Variants in ARHGAP21 observed in about 807,000 individuals in gnomAD.
The protein encoded by ARHGAP21 is Rho GTPase activating protein 21.
A neutral mutation model predicts 164.6 loss-of-function variants in ARHGAP21; 38 were observed. That is an observed-to-expected ratio of 0.23 (90% CI 0.18 to 0.30). The LOEUF (loss-of-function observed/expected upper bound fraction) is 0.30. ARHGAP21 is among the 10% of genes least tolerant of loss of function. The pLI is 1.00. For missense variants in ARHGAP21, 1,822 were observed against 2,370.7 expected, an observed-to-expected ratio of 0.77 and a Z score of 4.81; for synonymous variants, 766 against 857.9, an observed-to-expected ratio of 0.89 and a Z score of 1.87.
chr10:24,592,343 T>G (rs1293230575), intron 21 of ARHGAP21, among the ~76,000 whole-genome samples: 2 of 152,022 alleles, frequency 1.3e-5, no homozygotes, highest in Non-Finnish European at 2.9e-5. Flanking sequence ...GTGGCCTAGT[T>G]AGGATTTTCA....
intron 4 of ARHGAP21, among the ~76,000 whole-genome samples, chr10:24,661,359 G>A (rs978129069): frequency 2.0e-5 from 3 of 151,758 alleles, no homozygotes; most frequent in African/African-American, 7.3e-5. Context: ...ATACATAAAG[G>A]ATATGAGAAA....
chr10:24,643,315 T>C (rs1429653747), intron 4 of ARHGAP21, among the ~76,000 whole-genome samples: 3 of 152,240 alleles, frequency 2.0e-5, no homozygotes, highest in Non-Finnish European at 2.9e-5. Flanking sequence ...TCTAGATTCA[T>C]AGCCCTATTA....
intron 4 of ARHGAP21, among the ~76,000 whole-genome samples, chr10:24,663,830 A>C (rs868071900): frequency 6.6e-6 from 1 of 152,170 alleles, no homozygotes; most frequent in Non-Finnish European, 1.5e-5. Context: ...TGCCCAACCC[A>C]GATAATTCTT....
intron 21 of ARHGAP21, among the ~76,000 whole-genome samples, chr10:24,593,513 C>T (rs2076431194): frequency 2.6e-5 from 4 of 151,994 alleles, no homozygotes; most frequent in Non-Finnish European, 5.9e-5. Flanking sequence ...TCTGGGTAAA[C>T]AGTTTCAGCT....
chr10:24,699,055 C>T (rs1483311429), intron 2 of ARHGAP21, among the ~76,000 whole-genome samples: 1 of 152,102 alleles, frequency 6.6e-6, no homozygotes, highest in Non-Finnish European at 1.5e-5. Context: ...ACCTGATCTG[C>T]CCTTCGAAAG....
chr10:24,679,853 T>C (rs1344662702), intron 2 of ARHGAP21, among the ~76,000 whole-genome samples: 3 of 152,200 alleles, frequency 2.0e-5, no homozygotes, highest in African/African-American at 7.2e-5. Context: ...TACATATGTA[T>C]ACATGTGCCA....
chr10:24,674,216 C>T (rs993539076), intron 2 of ARHGAP21, among the ~76,000 whole-genome samples: 1 of 151,752 alleles, frequency 6.6e-6, no homozygotes, highest in Non-Finnish European at 1.5e-5. Context: ...CACAGGGAGA[C>T]CCTGTCTCTA....
chr10:24,649,815 C>T (rs541013786), intron 4 of ARHGAP21, among the ~76,000 whole-genome samples: 20 of 151,686 alleles, frequency 1.3e-4, no homozygotes, highest in African/African-American at 4.6e-4. Context: ...AAAGGAATCA[C>T]CAGGCACAGA....
At chr10:24,671,950 G>A (rs1482095780) in intron 2 of ARHGAP21, among the ~76,000 whole-genome samples, 2 of 119,426 alleles carry the variant, frequency 1.7e-5, no homozygotes, top group Non-Finnish European at 3.2e-5. Flanking sequence ...GGCTGGTCTT[G>A]AGCTCCTATG....
At chr10:24,674,945 T>C (rs185463183) in intron 2 of ARHGAP21, among the ~76,000 whole-genome samples, 2 of 152,318 alleles carry the variant, frequency 1.3e-5, no homozygotes, top group African/African-American at 2.4e-5. Context: ...ATACTGAGTG[T>C]TGGTCAGGAC....
chr10:24,678,828 T>C (rs1292106095), intron 2 of ARHGAP21, among the ~76,000 whole-genome samples: 2 of 152,198 alleles, frequency 1.3e-5, no homozygotes, highest in Non-Finnish European at 2.9e-5. Context: ...TATTTTGTCA[T>C]TTCAAGAATG....
chr10:24,668,913 A>G (rs1840443588), intron 3 of ARHGAP21, among the ~76,000 whole-genome samples: 1 of 152,188 alleles, frequency 6.6e-6, no homozygotes, highest in East Asian at 1.9e-4. Context: ...TATTCAAAAC[A>G]AAACAAAAAC....
At position 24,585,949 on chromosome 10, in the gene ARHGAP21, A is replaced by G. The variant is rs370970328; in HGVS notation, c.4340T>C (p.Val1447Ala). Reference protein sequence around the residue: ...LDNVFFKKENVEQCHNDTKEE... With the variant: ...LDNVFFKKENAEQCHNDTKEE... ...TTTAGTATCATTGTGACACTGTTCCACATTTTCTTTCTTAAAAAATACATT... is the reference window on the plus strand; with the variant it reads ...TTTAGTATCATTGTGACACTGTTCCGCATTTTCTTTCTTAAAAAATACATT... Residue 1447 changes from valine to alanine, a missense_variant, in exon 26 of 26, where the codon GTG becomes GCG. This residue lies in a region of ARHGAP21 where 333 missense variants were observed against 383.9 expected (regional missense o/e 0.87). Coordinates refer to ENST00000396432, the MANE Select transcript of ARHGAP21 (RefSeq NM_020824.4). 6.8e-6 allele frequency: 11 copies of G among 1,614,066 alleles called. No homozygotes were observed. The highest frequency in any genetic ancestry group is 9.3e-6 in the Non-Finnish European group (11 of 1,180,030).
chr10:24,623,157 T>C (rs907069132), intron 7 of ARHGAP21, among the ~76,000 whole-genome samples: 1 of 152,234 alleles, frequency 6.6e-6, no homozygotes, highest in Non-Finnish European at 1.5e-5. Flanking sequence ...ACGAAACGAA[T>C]GCTCTATTAT....
At position 24,619,673 on chromosome 10, in the gene ARHGAP21, G is replaced by C; in HGVS notation, c.2222C>G (p.Pro741Arg). 6.2e-7 allele frequency: 1 copy of C among 1,614,150 alleles called. No homozygotes were observed. The highest frequency in any genetic ancestry group is 8.5e-7 in the Non-Finnish European group (1 of 1,180,038). Residue 741 changes from proline to arginine, a missense_variant, in exon 9 of 26, where the codon CCT becomes CGT. Physicochemically the swap from Pro to Arg is moderately radical, Grantham distance 103 (BLOSUM62 -2). Around this residue, in one of 5 missense-constraint regions of ARHGAP21, gnomAD observed 1,090 missense variants for 1,378.9 expected, o/e 0.79. Coordinates refer to ENST00000396432, the MANE Select transcript of ARHGAP21 (RefSeq NM_020824.4). ...CTGCGGTGTCTGGCGTCCAGATGGA[G>C]GTTTTTCCCTTAGGATGACAGCTTC... ...NKEAVILREK[P>R]PSGRQTPQPL...
At chr10:24,686,277 A>G (rs1011918909) in intron 2 of ARHGAP21, among the ~76,000 whole-genome samples, 1 of 152,010 alleles carries the variant, frequency 6.6e-6, no homozygotes, top group Admixed American at 6.6e-5. Context: ...AAAAATTTAA[A>G]AATCAGCCAG....
In ARHGAP21 at chr10:24,620,696, C is replaced by T. The variant is rs1436858905; in HGVS notation, c.1199G>A (p.Arg400Gln). The change falls in exon 9 of 26, where the codon CGA (arginine) becomes CAA (glutamine). Residue 400 changes from arginine to glutamine, a missense_variant. Arg to Gln is a conservative substitution (Grantham distance 43). Around this residue, in one of 5 missense-constraint regions of ARHGAP21, gnomAD observed 1,090 missense variants for 1,378.9 expected, o/e 0.79. Transcript: ENST00000396432. The part of the protein sequence containing the change: ...KTYKEYIDNR[R>Q]LHIGCRTIQE... ...TATTGTCCGACAACCTATGTGCAAT[C>T]GTCTGTTATCAATATACTCTTTGTA... is the stretch of plus-strand genomic sequence containing the variant. The T allele has an allele frequency of 1.9e-6, 3 of 1,614,074 alleles. No homozygotes were observed. The highest frequency in any genetic ancestry group is 1.7e-6 in the Non-Finnish European group (2 of 1,179,956).
At chr10:24,641,264 G>C (rs7095371) in intron 4 of ARHGAP21, among the ~76,000 whole-genome samples, 1 of 151,938 alleles carries the variant, frequency 6.6e-6, no homozygotes, top group Non-Finnish European at 1.5e-5. Flanking sequence ...CAATTTAAGA[G>C]GACTGCTGTG....
At position 24,621,248 on chromosome 10, in the gene ARHGAP21, T is replaced by C. The variant is rs188576737; in HGVS notation, c.647A>G (p.Gln216Arg). ...WLPSAPSAMA[Q>R]PVEISPPDSS... ...GTCAGGAGGAGATATTTCAACTGGC[T>C]GTGCCATGGCTGATGGGGCAGATGG... The change falls in exon 9 of 26, where the codon CAG becomes CGG. Residue 216 changes from glutamine to arginine, a missense_variant. This residue lies in a region of ARHGAP21 where 1,090 missense variants were observed against 1,378.9 expected (regional missense o/e 0.79). Transcript: ENST00000396432. 9.3e-6 allele frequency: 15 copies of C among 1,613,932 alleles called. No homozygotes were observed. The East Asian group carries it at 2.5e-4, about 26-fold the overall frequency.
Sources: allele counts gnomAD v4.1 joint callset (sites outside exome capture counted in the v4.1 genomes callset), GRCh38; gene constraint gnomAD v4.1.1; regional missense constraint gnomAD v4.1.1; transcripts MANE v1.5; gene names NCBI Gene and HGNC (gene_info 2026-07-23, HGNC 2026-07-21).